The following RAPGEF5 variants were observed in gnomAD, a reference collection of about 807,000 sequenced individuals.
RAPGEF5 encodes the protein M-Ras-regulated GEF.
Under a neutral mutation model 125.2 loss-of-function variants are expected in RAPGEF5, and 65 were observed. That is an observed-to-expected ratio of 0.52 (90% CI 0.43 to 0.64). The LOEUF (loss-of-function observed/expected upper bound fraction) is 0.64, where lower values mean the gene tolerates loss of function less well. Ranked by LOEUF, RAPGEF5 falls within the 30% of genes least tolerant of loss-of-function variation. RAPGEF5 has a pLI of 0.00. For synonymous variants in RAPGEF5, 391 were observed against 385.9 expected, an observed-to-expected ratio of 1.01 and a Z score of -0.16; for missense variants, 958 against 1,048.1, an observed-to-expected ratio of 0.91 and a Z score of 1.19.
At chr7:22,301,052 T>G (rs938635512) in intron 5 of RAPGEF5, among the ~76,000 whole-genome samples, 1 of 151,958 alleles carries the variant, frequency 6.6e-6, no homozygotes, top group Admixed American at 6.5e-5. Context: ...TGTAGGTCAC[T>G]TCTCCAAAGT....
At chr7:22,125,533 C>G (rs1456435725) in intron 25 of RAPGEF5, 71 bp downstream of exon 25, 2 of 1,407,614 alleles carry the variant, frequency 1.4e-6, no homozygotes, top group African/African-American at 2.8e-5. Context: ...GATTACCACC[C>G]AATACTTGTG....
chr7:22,291,043 C>T, intron 6 of RAPGEF5, 132 bp downstream of exon 6: 1 of 1,017,248 alleles, frequency 9.8e-7, no homozygotes, highest in Non-Finnish European at 1.4e-6. Context: ...CTCTGCCTTG[C>T]CTCATACCTC....
At chr7:22,155,420 C>A (rs1010223709) in intron 16 of RAPGEF5, among the ~76,000 whole-genome samples, 12 of 152,252 alleles carry the variant, frequency 7.9e-5, no homozygotes, top group Admixed American at 7.2e-4. Context: ...GTATAAAATG[C>A]ACTAGCTTCT....
At chr7:22,262,113 A>G (rs1782169556) in intron 7 of RAPGEF5, among the ~76,000 whole-genome samples, 1 of 152,178 alleles carries the variant, frequency 6.6e-6, no homozygotes, top group Non-Finnish European at 1.5e-5. Context: ...AGAGGATGAA[A>G]AAGACAAGCT....
intron 3 of RAPGEF5, among the ~76,000 whole-genome samples, chr7:22,313,148 A>G (rs1441869010): frequency 6.6e-6 from 1 of 152,178 alleles, no homozygotes; most frequent in African/African-American, 2.4e-5. Flanking sequence ...ACATGAATTT[A>G]CCCAATCTCC....
At chr7:22,217,627 A>G (rs1436057202) in intron 9 of RAPGEF5, among the ~76,000 whole-genome samples, 2 of 152,254 alleles carry the variant, frequency 1.3e-5, no homozygotes, top group South Asian at 2.1e-4. Context: ...GGGAGATGAC[A>G]GAATGGCTTT....
chr7:22,350,975 T>G (rs1180261878), intron 1 of RAPGEF5, among the ~76,000 whole-genome samples: 1 of 152,220 alleles, frequency 6.6e-6, no homozygotes, highest in Non-Finnish European at 1.5e-5. Context: ...TCACCCTTCC[T>G]GGCAGATGCA....
intron 8 of RAPGEF5, among the ~76,000 whole-genome samples, chr7:22,229,985 CTGTG>C (rs1786019222): frequency 6.6e-6 from 1 of 152,180 alleles, no homozygotes; most frequent in South Asian, 2.1e-4. Context: ...ACAGTAAGGT[CTGTG>C]TATCCTTTTG....
intron 7 of RAPGEF5, among the ~76,000 whole-genome samples, chr7:22,253,628 CA>C (rs1786677686): frequency 6.6e-6 from 1 of 152,138 alleles, no homozygotes; most frequent in Non-Finnish European, 1.5e-5. Flanking sequence ...GAAAGAAGAT[CA>C]AAAGGAGAGC....
chr7:22,293,849 G>C (rs1442464484), intron 5 of RAPGEF5, among the ~76,000 whole-genome samples: 1 of 152,110 alleles, frequency 6.6e-6, no homozygotes, highest in Non-Finnish European at 1.5e-5. Context: ...CACCACTACG[G>C]TCACTTTTTA....
chr7:22,173,911 G>A (rs1018168911), intron 11 of RAPGEF5, among the ~76,000 whole-genome samples: 10 of 152,226 alleles, frequency 6.6e-5, no homozygotes, highest in South Asian at 4.2e-4. Context: ...ATATGCATGC[G>A]TCTGCCAAGT....
chr7:22,343,602 G>A (rs982722260), intron 1 of RAPGEF5, among the ~76,000 whole-genome samples: 1 of 152,110 alleles, frequency 6.6e-6, no homozygotes, highest in African/African-American at 2.4e-5. Context: ...ACGCAGAATT[G>A]GTATTAGTAT....
intron 5 of RAPGEF5, among the ~76,000 whole-genome samples, chr7:22,302,625 G>T (rs759275698): frequency 6.6e-6 from 1 of 152,092 alleles, no homozygotes; most frequent in Non-Finnish European, 1.5e-5. Flanking sequence ...CAGACCACTC[G>T]CCATGTACCC....
chr7:22,194,174 T>C (rs2128126334), intron 9 of RAPGEF5, 141 bp from the exon 10 acceptor site: 1 of 750,288 alleles, frequency 1.3e-6, no homozygotes, highest in East Asian at 2.6e-5. Flanking sequence ...GAGAATAAAT[T>C]AGGAGTCTGG....
intron 11 of RAPGEF5, among the ~76,000 whole-genome samples, chr7:22,183,692 T>C (rs961804147): frequency 1.3e-5 from 2 of 152,212 alleles, no homozygotes; most frequent in Non-Finnish European, 2.9e-5. Flanking sequence ...GCACTGAAAC[T>C]GACTTCGAGG....
At chr7:22,137,891 C>T (rs1783126971) in intron 21 of RAPGEF5, among the ~76,000 whole-genome samples, 1 of 152,078 alleles carries the variant, frequency 6.6e-6, no homozygotes, top group Admixed American at 6.6e-5. Flanking sequence ...AATGAGGCAA[C>T]TCCTACAATA....
At chr7:22,285,224 AAAT>A (rs1446831137) in intron 6 of RAPGEF5, among the ~76,000 whole-genome samples, 1 of 152,174 alleles carries the variant, frequency 6.6e-6, no homozygotes, top group Non-Finnish European at 1.5e-5. Context: ...TCAAAATTCA[AAAT>A]TTGAAGTACA....
At chr7:22,151,123 G>A (rs1783612400) in intron 17 of RAPGEF5, among the ~76,000 whole-genome samples, 3 of 151,826 alleles carry the variant, frequency 2.0e-5, no homozygotes, top group African/African-American at 4.8e-5. Flanking sequence ...AATTTTTTTG[G>A]TCATATAAAT....
chr7:22,249,214 T>C (rs989239493), intron 7 of RAPGEF5, among the ~76,000 whole-genome samples: 1 of 152,170 alleles, frequency 6.6e-6, no homozygotes, highest in African/African-American at 2.4e-5. Context: ...TTTTTTAAGA[T>C]GGAATCTCAC....
Sources: allele counts gnomAD v4.1 joint callset (sites outside exome capture counted in the v4.1 genomes callset), GRCh38; gene constraint gnomAD v4.1.1; transcripts MANE v1.5; gene names NCBI Gene and HGNC (gene_info 2026-07-23, HGNC 2026-07-21).